DCAF8L2: variants seen among roughly 807,000 people sequenced by gnomAD.
The protein encoded by DCAF8L2 is DDB1 and CUL4 associated factor 8 like 2, also known as DDB1- and CUL4-associated factor 8-like protein 2.
For synonymous variants in DCAF8L2, 200 were observed against 190.9 expected (o/e 1.05, Z -0.39); for missense variants, 430 against 490.7 (o/e 0.88, Z 1.17).
intron 1 of DCAF8L2, among the ~76,000 whole-genome samples, chrX:27,609,142 A>G (rs907834872): frequency 2.7e-5 from 3 of 111,934 alleles, no homozygotes; most frequent in Admixed American, 9.6e-5. Context: ...CTTTTTCACA[A>G]GGGCCTTATC....
chrX:27,495,332 G>A, the DCAF8L2 span, among the ~76,000 whole-genome samples: 2 of 111,515 alleles, frequency 1.8e-5, no homozygotes, highest in African/African-American at 6.5e-5. Context: ...TTTTGAAATT[G>A]TGAATTTTTC....
chrX:27,554,245 T>C, the DCAF8L2 span, among the ~76,000 whole-genome samples: 3 of 111,882 alleles, frequency 2.7e-5, no homozygotes, highest in Admixed American at 9.5e-5. Context: ...TAAAGTGAGT[T>C]GTGAAAACCA....
the DCAF8L2 span, among the ~76,000 whole-genome samples, chrX:27,545,585 G>C: frequency 9.0e-6 from 1 of 111,535 alleles, no homozygotes; most frequent in African/African-American, 3.3e-5. Flanking sequence ...CATCGGAGCG[G>C]ATTTCCCCCT....
At chrX:27,617,554 A>T (rs1440373289) in intron 1 of DCAF8L2, among the ~76,000 whole-genome samples, 1 of 111,361 alleles carries the variant, frequency 9.0e-6, no homozygotes. Context: ...GGATCACAAC[A>T]TATTTAAGAA....
intron 1 of DCAF8L2, among the ~76,000 whole-genome samples, chrX:27,610,438 A>G (rs766926349): frequency 3.6e-5 from 4 of 111,017 alleles, no homozygotes; most frequent in Non-Finnish European, 7.5e-5. Flanking sequence ...AATTATATAT[A>G]TAATAAATAC....
chrX:27,733,803 C>T (rs758373872), intron 4 of DCAF8L2, among the ~76,000 whole-genome samples: 25 of 111,478 alleles, frequency 2.2e-4, no homozygotes, highest in Non-Finnish European at 3.2e-4. Context: ...CCCCATTGTG[C>T]GGTCTTGGTG....
rs1342115104 is a variant in DCAF8L2, at chrX:27,590,875, C to T, written c.-342+435C>T. Among the ~76,000 whole-genome samples the T allele has an allele frequency of 1.9e-4, 20 of 105,925 alleles. No homozygotes were observed. In the Admixed American group the frequency reaches 2.1e-3, roughly 11 times the overall value. 92.0% of individuals were successfully genotyped at this position (105,925 alleles called of 115,157 possible). ...CCCAGGCTAGTCTCGAACTCCTGGC[C>T]TCAAGCTATCCTCCCACCTCAGCCT... On this transcript the variant is annotated intron_variant, in intron 1 of 4. Coordinates refer to ENST00000451261, the MANE Select transcript of DCAF8L2 (RefSeq NM_001353450.2).
chrX:27,737,173 C>T (rs1413064974), intron 4 of DCAF8L2, among the ~76,000 whole-genome samples: 1 of 111,768 alleles, frequency 8.9e-6, no homozygotes, highest in Non-Finnish European at 1.9e-5. Flanking sequence ...TTCATATACA[C>T]GCAAACCCTT....
chrX:27,547,869 CTT>C, the DCAF8L2 span, among the ~76,000 whole-genome samples: 105 of 57,486 alleles, frequency 1.8e-3, no homozygotes, highest in African/African-American at 3.1e-3. Context: ...CTCTCTCTCT[CTT>C]TCTCTCTCTC....
the DCAF8L2 span, among the ~76,000 whole-genome samples, chrX:27,565,864 G>C: frequency 2.7e-5 from 3 of 110,616 alleles, no homozygotes; most frequent in African/African-American, 9.9e-5. Flanking sequence ...TGGTGGGGCC[G>C]GGGGATCTCT....
At chrX:27,679,057 T>C (rs948817703) in intron 3 of DCAF8L2, among the ~76,000 whole-genome samples, 1 of 111,697 alleles carries the variant, frequency 9.0e-6, no homozygotes, top group South Asian at 3.8e-4. Context: ...AGAGGAGGAC[T>C]GGTCTTCAGA....
chrX:27,574,240 C>T, the DCAF8L2 span, among the ~76,000 whole-genome samples: 2 of 111,029 alleles, frequency 1.8e-5, no homozygotes, highest in South Asian at 3.8e-4. Context: ...TGTTACATAT[C>T]GACAGTACAG....
At chrX:27,592,417 G>GTTTTTTT (rs1248208449) in intron 1 of DCAF8L2, among the ~76,000 whole-genome samples, 18 of 83,950 alleles carry the variant, frequency 2.1e-4, no homozygotes, top group Non-Finnish European at 3.3e-4. Context: ...GTTTGTTTTT[G>GTTTTTTT]TTTTTTTTTT....
At chrX:27,514,233 GCATATGTACA>G in the DCAF8L2 span, among the ~76,000 whole-genome samples, 1 of 98,510 alleles carries the variant, frequency 1.0e-5, no homozygotes, top group African/African-American at 3.4e-5. Flanking sequence ...CTATATGTGT[GCATATGTACA>G]CATATGTACA....
chrX:27,615,885 T>C, intron 1 of DCAF8L2, among the ~76,000 whole-genome samples: 1 of 111,170 alleles, frequency 9.0e-6, no homozygotes, highest in Non-Finnish European at 1.9e-5. Flanking sequence ...GAAACCTTTC[T>C]TTTTCCTTCA....
chrX:27,720,993 A>G (rs945379337), intron 4 of DCAF8L2, among the ~76,000 whole-genome samples: 1 of 111,548 alleles, frequency 9.0e-6, no homozygotes, highest in Non-Finnish European at 1.9e-5. Flanking sequence ...TTTATATTGT[A>G]TTGGTCTTTG....
chrX:27,488,519 G>T, the DCAF8L2 span, among the ~76,000 whole-genome samples: 4 of 53,420 alleles, frequency 7.5e-5, no homozygotes, highest in Non-Finnish European at 1.0e-4. Context: ...AATTACCTCT[G>T]TGTGTGTGTG....
At chrX:27,583,283 C>T in the DCAF8L2 span, among the ~76,000 whole-genome samples, 2 of 111,393 alleles carry the variant, frequency 1.8e-5, no homozygotes, top group African/African-American at 6.5e-5. Flanking sequence ...TTCAACAATC[C>T]CCCGTTCCCT....
At chrX:27,601,993 C>G (rs976212058) in intron 1 of DCAF8L2, among the ~76,000 whole-genome samples, 1 of 111,733 alleles carries the variant, frequency 8.9e-6, no homozygotes, top group Admixed American at 9.5e-5. Flanking sequence ...ATAACACTTA[C>G]GGATTCCTGG....
Sources: gnomAD v4.1 joint callset for allele counts (sites outside exome capture counted in the v4.1 genomes callset) on GRCh38, gnomAD v4.1.1 for gene constraint, MANE v1.5 for transcripts, NCBI Gene and HGNC (gene_info 2026-07-23, HGNC 2026-07-21) for gene names.